RHBDL3: variants seen among roughly 807,000 people sequenced by gnomAD.
RHBDL3 encodes the protein rhomboid like 3, also known as rhomboid-related protein 3.
A neutral mutation model predicts 48.2 loss-of-function variants in RHBDL3; 28 were observed. The ratio of observed to expected loss-of-function variants is 0.58; its 90% CI spans 0.43 to 0.80. The LOEUF (loss-of-function observed/expected upper bound fraction) is 0.80. Ranked by LOEUF, RHBDL3 falls within the 30% of genes least tolerant of loss-of-function variation. The probability of loss-of-function intolerance (pLI) is 0.00; values close to 1 mark genes in which losing one functional copy is unlikely to be tolerated. For synonymous variants in RHBDL3, 208 were observed against 232.3 expected (o/e 0.90, Z 0.95); for missense variants, 464 against 542.7 (o/e 0.85, Z 1.44).
At chr17:32,305,506 A>G in intron 7 of RHBDL3, 65 bp downstream of exon 7, 1 of 1,174,842 alleles carries the variant, frequency 8.5e-7, no homozygotes, top group Non-Finnish European at 1.3e-6. Context: ...GGGCCTGAGT[A>G]TTAATCCACT....
rs752966814 is a variant in RHBDL3 at position 32,298,077 on chromosome 17, GTC to G, written c.669-9_669-8del. ...ATGAATAGATGAATGAGTGAGTGTGGTCTCTCTGTCACAGGATAGAACACCTG... is the reference window on the plus strand; with the variant it reads ...ATGAATAGATGAATGAGTGAGTGTGGTCTCTGTCACAGGATAGAACACCTG... On this transcript the variant is annotated splice_polypyrimidine_tract_variant and intron_variant, in intron 5 of 8. Transcript: ENST00000269051. 2.0e-6 allele frequency: 3 copies of G among 1,535,768 alleles called. No individual in the cohort carries two copies. The highest frequency in any genetic ancestry group is 2.7e-5 in the African/African-American group (2 of 73,498).
At chr17:32,315,344 TA>T (rs1390527379) in intron 7 of RHBDL3, among the ~76,000 whole-genome samples, 3 of 152,244 alleles carry the variant, frequency 2.0e-5, no homozygotes, top group Non-Finnish European at 4.4e-5. Context: ...ATAAATGGAA[TA>T]GTGCTTTGAA....
intron 7 of RHBDL3, 67 bp downstream of exon 7, chr17:32,305,508 T>A: frequency 8.6e-7 from 1 of 1,159,968 alleles, no homozygotes; most frequent in Non-Finnish European, 1.3e-6. Context: ...GCCTGAGTAT[T>A]AATCCACTGG....
rs1343229254 is a variant in RHBDL3, at chr17:32,266,247, A to T, written c.58A>T (p.Ile20Phe). 2.1e-6 allele frequency: 3 copies of T among 1,460,760 alleles called. No homozygotes were observed. The highest frequency in any genetic ancestry group is 2.7e-6 in the Non-Finnish European group (3 of 1,113,092). 90.5% of individuals were successfully genotyped at this position (1,460,760 alleles called of 1,614,324 possible). A position where few individuals can be genotyped will look rare whatever the true frequency, so the allele number is the denominator to read the frequency against. ...AVAACAEAERIEELEPEAEER... is the reference protein window; with the variant it reads ...AVAACAEAERFEELEPEAEER... The stretch of plus-strand genomic sequence containing the variant: ...GGCCGCCTGCGCCGAGGCGGAGCGC[A>T]TCGAGGAGCTGGAACCCGAGGCCGA... Residue 20 changes from isoleucine (I) to phenylalanine (F), a missense_variant, in exon 1 of 9, where the codon ATC becomes TTC. Coordinates refer to ENST00000269051, the MANE Select transcript of RHBDL3 (RefSeq NM_138328.3).
chr17:32,305,375 T>C lies in RHBDL3; in HGVS notation c.816T>C (p.Ala272=). The stretch of plus-strand genomic sequence containing the variant: ...CAGTGTCTGTGGCTGACATGACCGC[T>C]CCAGTCGTGGGCTCTTCTGGAGGGG... The part of the protein sequence containing the change: ...SLAVSVADMT[A]PVVGSSGGVY... The change falls in exon 7 of 9, where the codon GCT becomes GCC. Residue 272 remains alanine (A), a synonymous_variant. Transcript: ENST00000269051. 1 of 1,613,988 alleles carries C rather than the reference T, an allele frequency of 6.2e-7. No homozygotes were observed. Among genetic ancestry groups the C allele is most frequent in the South Asian group, 1.1e-5 (1 of 91,080 alleles).
chr17:32,272,094 G>T (rs140732925), intron 2 of RHBDL3, among the ~76,000 whole-genome samples: 336 of 152,348 alleles, frequency 2.2e-3, no homozygotes, highest in African/African-American at 7.6e-3. Flanking sequence ...GTGACTATGA[G>T]AATTAAATGG....
intron 2 of RHBDL3, among the ~76,000 whole-genome samples, chr17:32,274,472 C>T (rs749446602): frequency 3.2e-4 from 48 of 152,134 alleles, no homozygotes; most frequent in Admixed American, 1.4e-3. Context: ...AAATATTCTT[C>T]GAGGGAGCAA....
intron 5 of RHBDL3, among the ~76,000 whole-genome samples, chr17:32,297,867 C>T (rs1010287683): frequency 6.6e-6 from 1 of 151,730 alleles, no homozygotes; most frequent in African/African-American, 2.4e-5. Context: ...CAGTCACGCC[C>T]AGGCCTTGCA....
At position 32,321,343 on chromosome 17, in the gene RHBDL3, C is replaced by T. The variant is rs778246968; in HGVS notation, c.*114C>T. 1.0e-5 allele frequency: 16 copies of T among 1,555,780 alleles called. No homozygotes were observed. The highest frequency in any genetic ancestry group is 1.4e-5 in the Non-Finnish European group (16 of 1,155,444). Reference sequence around the variant, plus strand: ...AGGCCGGGCAGACAAGGACAGAAGACTCTGGGCCACTGTAATGTTTGTGTT... The same window carrying T: ...AGGCCGGGCAGACAAGGACAGAAGATTCTGGGCCACTGTAATGTTTGTGTT... On this transcript the variant is annotated 3_prime_UTR_variant, in exon 9 of 9. Coordinates refer to ENST00000269051, the MANE Select transcript of RHBDL3 (RefSeq NM_138328.3).
intron 7 of RHBDL3, among the ~76,000 whole-genome samples, chr17:32,307,550 AG>A (rs2040740476): frequency 6.6e-6 from 1 of 152,182 alleles, no homozygotes; most frequent in Admixed American, 6.5e-5. Flanking sequence ...AAAGGAAGAG[AG>A]GGGGAGAGAT....
intron 4 of RHBDL3, among the ~76,000 whole-genome samples, chr17:32,293,621 T>G (rs1297253324): frequency 1.3e-5 from 2 of 151,898 alleles, no homozygotes; most frequent in Non-Finnish European, 2.9e-5. Flanking sequence ...ATGGTAAATT[T>G]TATGTTTATT....
At chr17:32,306,469 G>A (rs1458838870) in intron 7 of RHBDL3, among the ~76,000 whole-genome samples, 1 of 152,160 alleles carries the variant, frequency 6.6e-6, no homozygotes. Flanking sequence ...TGGGAGGGGG[G>A]CACCACTCCA....
At chr17:32,293,469 A>C (rs1311727519) in intron 4 of RHBDL3, among the ~76,000 whole-genome samples, 1 of 151,612 alleles carries the variant, frequency 6.6e-6, no homozygotes, top group Non-Finnish European at 1.5e-5. Flanking sequence ...GTAATCCCAG[A>C]TACTTGGGAG....
chr17:32,282,127 C>A (rs966732377), intron 2 of RHBDL3, among the ~76,000 whole-genome samples: 1 of 152,186 alleles, frequency 6.6e-6, no homozygotes, highest in Non-Finnish European at 1.5e-5. Flanking sequence ...AAACACTCAG[C>A]AAATATTAGG....
chr17:32,318,341 AAAAG>A lies in RHBDL3; in HGVS notation c.943+2053_943+2056del, dbSNP rs1444364619. Among the ~76,000 whole-genome samples the A allele has an allele frequency of 3.3e-5, 5 of 149,460 alleles. No individual in the cohort carries two copies. In the East Asian group the frequency reaches 9.9e-4, roughly 29 times the overall value. Reference sequence around the variant, plus strand: ...ACCTTGCCTTAAAAAAAAAAAAAAGAAAAGAAAAGAAAAGGCCAGGCGCAGTGGC... The same window carrying A: ...ACCTTGCCTTAAAAAAAAAAAAAAGAAAAAGAAAAGGCCAGGCGCAGTGGC... On this transcript the variant is annotated intron_variant, in intron 8 of 8. Transcript: ENST00000269051.
At chr17:32,305,073 G>A (rs574336616) in intron 6 of RHBDL3, among the ~76,000 whole-genome samples, 27 of 151,644 alleles carry the variant, frequency 1.8e-4, no homozygotes, top group Admixed American at 3.3e-4. Context: ...TGAGCTGATC[G>A]TGCCACTGCA....
At position 32,324,267 on chromosome 17, in the gene RHBDL3, G is replaced by T. The variant is rs2041208289; in HGVS notation, c.*3038G>T. 1 of 152,632 alleles carries T rather than the reference G, an allele frequency of 6.6e-6. No homozygotes were observed. The highest frequency in any genetic ancestry group is 6.5e-5 in the Admixed American group (1 of 15,274). The allele number at this position is 152,632 out of a possible 1,614,324, so 9.5% of individuals were successfully genotyped here. A position where few individuals can be genotyped will look rare whatever the true frequency, so the allele number is the denominator to read the frequency against. ...TAATTAGGAAAAGCTCCCTAATGAGGCTCTTTTGCCAGCTAATAGGACTCT... is the reference window on the plus strand; with the variant it reads ...TAATTAGGAAAAGCTCCCTAATGAGTCTCTTTTGCCAGCTAATAGGACTCT... On this transcript the variant is annotated 3_prime_UTR_variant, in exon 9 of 9. Coordinates refer to ENST00000269051, the MANE Select transcript of RHBDL3 (RefSeq NM_138328.3).
intron 7 of RHBDL3, among the ~76,000 whole-genome samples, chr17:32,310,158 T>G (rs1174348146): frequency 6.6e-6 from 1 of 152,242 alleles, no homozygotes; most frequent in Non-Finnish European, 1.5e-5. Flanking sequence ...AGATATTTAC[T>G]TACACTTCGC....
chr17:32,307,903 C>T (rs564318575), intron 7 of RHBDL3, among the ~76,000 whole-genome samples: 4 of 152,078 alleles, frequency 2.6e-5, no homozygotes, highest in African/African-American at 9.7e-5. Flanking sequence ...CCTCCCATTC[C>T]GCCCAAGACT....
Sources: gnomAD v4.1 joint callset for allele counts (sites outside exome capture counted in the v4.1 genomes callset) on GRCh38, gnomAD v4.1.1 for gene constraint, MANE v1.5 for transcripts, NCBI Gene and HGNC (gene_info 2026-07-23, HGNC 2026-07-21) for gene names.